The following FBH1 variants were observed in gnomAD, a reference collection of about 807,000 sequenced individuals.
FBH1 encodes the protein DNA 3'-5' helicase 1.
FBH1 carries 43 observed loss-of-function variants against 115.5 expected under a neutral mutation model. That is an observed-to-expected ratio of 0.37 (90% CI 0.29 to 0.48). The LOEUF is 0.48. Among genes scored for constraint, FBH1 ranks in the 20% least tolerant of loss-of-function variants. The pLI is 0.99. For synonymous variants in FBH1, 524 were observed against 507.8 expected (o/e 1.03, Z -0.43); for missense variants, 1,001 against 1,337.3 (o/e 0.75, Z 3.92).
rs1354684392 is a variant in FBH1, at chr10:5,925,814, A to G, written c.2722+322A>G. On this transcript the variant is annotated intron_variant, in intron 18 of 20. Transcript: ENST00000362091. This position sits in a 1 kb window ranked among gnomAD's most constrained non-coding sequence, Gnocchi z 4.6. ...GACTTTGAGTCTCCAGCCTCATGAA[A>G]GCTTTAAAATATAGTTTACTTGCTT... Among the ~76,000 whole-genome samples the G allele has an allele frequency of 6.6e-6, 1 of 152,218 alleles. No individual in the cohort carries two copies. The highest frequency in any genetic ancestry group is 1.5e-5 in the Non-Finnish European group (1 of 68,044).
intron 2 of FBH1, among the ~76,000 whole-genome samples, 156 bp downstream of exon 2, chr10:5,903,331 GTTT>G (rs35963724): frequency 1.4e-5 from 2 of 141,560 alleles, no homozygotes; most frequent in African/African-American, 5.2e-5. Flanking sequence ...TTTCCATGAA[GTTT>G]TTTTTTTTTT....
At position 5,935,070 on chromosome 10, in the gene FBH1, T is replaced by C. The variant is rs887339441; in HGVS notation, c.2830-1386T>C. On this transcript the variant is annotated intron_variant, in intron 19 of 20. Coordinates refer to ENST00000362091, the MANE Select transcript of FBH1 (RefSeq NM_178150.3). This position sits in a 1 kb window ranked among gnomAD's most constrained non-coding sequence, Gnocchi z 5.2. Reference sequence around the variant, plus strand: ...AAAATCTAAAGAAATCAGAGAACACTGCATGTTAGGTTAAGTCATGTTTTG... The same window carrying C: ...AAAATCTAAAGAAATCAGAGAACACCGCATGTTAGGTTAAGTCATGTTTTG... The C allele has an allele frequency of 1.3e-5, 2 of 152,248 alleles. No homozygotes were observed. Among genetic ancestry groups the C allele is most frequent in the Non-Finnish European group, 1.5e-5 (1 of 68,038 alleles). 9.4% of individuals were successfully genotyped at this position (152,248 alleles called of 1,614,324 possible).
At position 5,917,829 on chromosome 10, in the gene FBH1, TC is replaced by T. The variant is rs1451882774; in HGVS notation, c.1963+157del. Among the ~76,000 whole-genome samples, 1 of 152,186 alleles carries T rather than the reference TC, an allele frequency of 6.6e-6. No homozygotes were observed. Among genetic ancestry groups the T allele is most frequent in the Non-Finnish European group, 1.5e-5 (1 of 68,038 alleles). On this transcript the variant is annotated intron_variant, in intron 12 of 20. Coordinates refer to ENST00000362091, the MANE Select transcript of FBH1 (RefSeq NM_178150.3). This position sits in a 1 kb window ranked among gnomAD's most constrained non-coding sequence, Gnocchi z 5.6. ...TACCTTAGGATTTCAAGCTGCCCCT[TC>T]CCCTCACCCAAGCAGATTTCTCTGT...
At chr10:5,919,258 G>A (rs1832166602) in intron 13 of FBH1, among the ~76,000 whole-genome samples, 1 of 152,178 alleles carries the variant, frequency 6.6e-6, no homozygotes, top group Admixed American at 6.5e-5. Flanking sequence ...GGCCAAGAAG[G>A]ACAGATCACT....
In FBH1 at chr10:5,932,906, G is replaced by T. The variant is rs1185426493; in HGVS notation, c.2830-3550G>T. Among the ~76,000 whole-genome samples, 1 of 151,912 alleles carries T rather than the reference G, an allele frequency of 6.6e-6. No individual in the cohort carries two copies. Among genetic ancestry groups the T allele is most frequent in the Non-Finnish European group, 1.5e-5 (1 of 67,986 alleles). ...CTAATTCTGTATTTTTTGTAGAGAC[G>T]GGGTTTTGTCTGTTTCCCAGGCTGG... On this transcript the variant is annotated intron_variant, in intron 19 of 20. Coordinates refer to ENST00000362091, the MANE Select transcript of FBH1 (RefSeq NM_178150.3). The surrounding 1 kb of genome is among the most constrained non-coding windows in gnomAD (Gnocchi z 5.9).
At position 5,913,831 on chromosome 10, in the gene FBH1, C is replaced by G; in HGVS notation, c.1296C>G (p.Val432=). The change falls in exon 7 of 21, where the codon GTC becomes GTG. Residue 432 remains valine, a synonymous_variant. Transcript: ENST00000362091. The surrounding 1 kb of genome is among the most constrained non-coding windows in gnomAD (Gnocchi z 4.4). ...QATKVKEEPS[V]WPGKKTIQLT... The stretch of plus-strand genomic sequence containing the variant: ...CAAAAGTTAAAGAGGAGCCATCTGT[C>G]TGGCCAGGGTATGTGTATATGTGCG... The G allele has an allele frequency of 6.3e-7, 1 of 1,599,176 alleles. No individual in the cohort carries two copies. Among genetic ancestry groups the G allele is most frequent in the Non-Finnish European group, 8.5e-7 (1 of 1,175,690 alleles).
rs1216479810 is a variant in FBH1, at chr10:5,895,820, G to T, written c.1+5474G>T. Among the ~76,000 whole-genome samples the T allele has an allele frequency of 6.6e-6, 1 of 152,196 alleles. No individual in the cohort carries two copies. The highest frequency in any genetic ancestry group is 2.4e-5 in the African/African-American group (1 of 41,466). ...AAGAGTGGAGGGCAGGTCTGGAAGA[G>T]GCGTGTGCTGCTGCTGTTCCCATTG... is the stretch of plus-strand genomic sequence containing the variant. On this transcript the variant is annotated intron_variant, in intron 1 of 20. Transcript: ENST00000362091. The surrounding 1 kb of genome is among the most constrained non-coding windows in gnomAD (Gnocchi z 5.0).
Position 5,921,214 on chromosome 10 carries a change from A to T in FBH1, c.2101-44A>T. 6.3e-7 allele frequency: 1 copy of T among 1,586,664 alleles called. No homozygotes were observed. The highest frequency in any genetic ancestry group is 8.7e-7 in the Non-Finnish European group (1 of 1,156,006). ...AGCAGTGATGGAAATGCACGGACAC[A>T]CCACAGGGCGGGCTGCTGACTCCCT... On this transcript the variant is annotated intron_variant, in intron 13 of 20. Coordinates refer to ENST00000362091, the MANE Select transcript of FBH1 (RefSeq NM_178150.3). The surrounding 1 kb of genome is among the most constrained non-coding windows in gnomAD (Gnocchi z 6.4).
At position 5,895,110 on chromosome 10, in the gene FBH1, C is replaced by T. The variant is rs767649230; in HGVS notation, c.1+4764C>T. On this transcript the variant is annotated intron_variant, in intron 1 of 20. Transcript: ENST00000362091. The surrounding 1 kb of genome is among the most constrained non-coding windows in gnomAD (Gnocchi z 5.0). ...TCATGTGATAATGGGCTACATTGCG[C>T]AGGGCCCCTGGGCCATCTCCACAGG... 2 of 1,614,100 alleles carry T rather than the reference C, an allele frequency of 1.2e-6. No individual in the cohort carries two copies. The highest frequency in any genetic ancestry group is 2.2e-5 in the East Asian group (1 of 44,882).
rs1470320116 is a variant in FBH1 at position 5,900,215 on chromosome 10, G to T, written c.2-2805G>T. On this transcript the variant is annotated intron_variant, in intron 1 of 20. Coordinates refer to ENST00000362091, the MANE Select transcript of FBH1 (RefSeq NM_178150.3). The surrounding 1 kb of genome is among the most constrained non-coding windows in gnomAD (Gnocchi z 4.2). ...TAGGCAGGCTACTCACATAAGCCTT[G>T]TTAAATAGAGGAAACAGGTAAGTTT... Among the ~76,000 whole-genome samples, 1 of 152,236 alleles carries T rather than the reference G, an allele frequency of 6.6e-6. No individual in the cohort carries two copies. Among genetic ancestry groups the T allele is most frequent in the Non-Finnish European group, 1.5e-5 (1 of 68,042 alleles).
rs561123451 is a variant in FBH1, at chr10:5,902,584, G to A, written c.2-436G>A. Among the ~76,000 whole-genome samples, 6 of 151,940 alleles carry A rather than the reference G, an allele frequency of 3.9e-5. No individual in the cohort carries two copies. The South Asian group carries it at 1.2e-3, about 32-fold the overall frequency. On this transcript the variant is annotated intron_variant, in intron 1 of 20. Transcript: ENST00000362091. Reference sequence around the variant, plus strand: ...TGGGTTCAAGCGATTGTCTTGCCTCGGTCTCCTAAGTAGCTGGGATTGCAG... The same window carrying A: ...TGGGTTCAAGCGATTGTCTTGCCTCAGTCTCCTAAGTAGCTGGGATTGCAG...
chr10:5,916,794 G>A (rs1034213690), intron 10 of FBH1, among the ~76,000 whole-genome samples: 1 of 152,188 alleles, frequency 6.6e-6, no homozygotes, highest in African/African-American at 2.4e-5. Context: ...GTCATAGGAG[G>A]TTGAAGGTGG....
rs865858647 is a variant in FBH1 at position 5,925,520 on chromosome 10, G to A, written c.2722+28G>A. 6.2e-7 allele frequency: 1 copy of A among 1,612,272 alleles called. No homozygotes were observed. The highest frequency in any genetic ancestry group is 2.0e-4 in the Middle Eastern group (1 of 5,014). On this transcript the variant is annotated intron_variant, in intron 18 of 20. Transcript: ENST00000362091. The surrounding 1 kb of genome is among the most constrained non-coding windows in gnomAD (Gnocchi z 4.6). ...AAGAGGCCGCCGGGTAGTGTCAGGT[G>A]CTGCTGTATGTAGTGAGTGGTGACT...
chr10:5,918,601 T>C lies in FBH1; in HGVS notation c.2100+123T>C, dbSNP rs1226703087. 7.8e-7 allele frequency: 1 copy of C among 1,281,414 alleles called. No individual in the cohort carries two copies. Among genetic ancestry groups the C allele is most frequent in the Non-Finnish European group, 1.0e-6 (1 of 969,240 alleles). 79.4% of individuals were successfully genotyped at this position (1,281,414 alleles called of 1,614,324 possible). ...GCAAATCCTTGCTTCTAAGCCATGG[T>C]TCTCAAAGTGTGGTTCTCAGGGGTC... On this transcript the variant is annotated intron_variant, in intron 13 of 20. Coordinates refer to ENST00000362091, the MANE Select transcript of FBH1 (RefSeq NM_178150.3). The surrounding 1 kb of genome is among the most constrained non-coding windows in gnomAD (Gnocchi z 4.0).
In FBH1 at chr10:5,895,559, A is replaced by C. The variant is rs1043240114; in HGVS notation, c.1+5213A>C. On this transcript the variant is annotated intron_variant, in intron 1 of 20. Transcript: ENST00000362091. This position sits in a 1 kb window ranked among gnomAD's most constrained non-coding sequence, Gnocchi z 5.0. ...TAGGGTAAGCTTTGCTGCAGTGACA[A>C]ATAGATCCAGACATGTAATGGCCTC... Among the ~76,000 whole-genome samples, 3 of 152,162 alleles carry C rather than the reference A, an allele frequency of 2.0e-5. No individual in the cohort carries two copies. Among genetic ancestry groups the C allele is most frequent in the Admixed American group, 1.3e-4 (2 of 15,268 alleles).
chr10:5,894,507 T>C, intron 1 of FBH1: 1 of 969,450 alleles, frequency 1.0e-6, no homozygotes, highest in Non-Finnish European at 1.7e-6. Flanking sequence ...ACGAGGTGAC[T>C]TCAGGCAAGT....
In FBH1 at chr10:5,909,491, T is replaced by C. The variant is rs1315008786; in HGVS notation, c.1020+197T>C. The C allele has an allele frequency of 5.4e-6, 3 of 550,720 alleles. No individual in the cohort carries two copies. In the East Asian group the frequency reaches 9.4e-5, roughly 17 times the overall value. The allele number at this position is 550,720 out of a possible 1,614,324, so 34.1% of individuals were successfully genotyped here. On this transcript the variant is annotated intron_variant, in intron 5 of 20. Coordinates refer to ENST00000362091, the MANE Select transcript of FBH1 (RefSeq NM_178150.3). This position sits in a 1 kb window ranked among gnomAD's most constrained non-coding sequence, Gnocchi z 4.4. ...CCATATAATTGTAGAGTCTTAGATG[T>C]AGATGAAATTTTAACAAATCATTTA...
In FBH1 at chr10:5,897,590, C is replaced by T. The variant is rs2131846803; in HGVS notation, c.2-5430C>T. 6.6e-6 allele frequency among the ~76,000 whole-genome samples: 1 copy of T among 152,322 alleles called. No individual in the cohort carries two copies. Among genetic ancestry groups the T allele is most frequent in the African/African-American group, 2.4e-5 (1 of 41,568 alleles). On this transcript the variant is annotated intron_variant, in intron 1 of 20. Transcript: ENST00000362091. The surrounding 1 kb of genome is among the most constrained non-coding windows in gnomAD (Gnocchi z 4.7). ...AATAAAAATCCAATAAAAGTACCAGCTCTCCCGCCAGCCAAACTATGGCTG... is the reference window on the plus strand; with the variant it reads ...AATAAAAATCCAATAAAAGTACCAGTTCTCCCGCCAGCCAAACTATGGCTG...
At chr10:5,894,513 C>A in intron 1 of FBH1, 1 of 922,560 alleles carries the variant, frequency 1.1e-6, no homozygotes, top group Non-Finnish European at 1.8e-6. Flanking sequence ...TGACTTCAGG[C>A]AAGTCCTCTC....
Sources: gnomAD v4.1 joint callset for allele counts (sites outside exome capture counted in the v4.1 genomes callset) on GRCh38, gnomAD v4.1.1 for gene constraint, Gnocchi (gnomAD v3.1) non-coding constraint, MANE v1.5 for transcripts, NCBI Gene and HGNC (gene_info 2026-07-23, HGNC 2026-07-21) for gene names.